TMEM71: variants seen among roughly 807,000 people sequenced by gnomAD.
The protein encoded by TMEM71 is transmembrane protein 71.
Under a neutral mutation model 38.0 loss-of-function variants are expected in TMEM71, and 44 were observed. That is an observed-to-expected ratio of 1.16 (90% CI 0.91 to 1.49). TMEM71 has a LOEUF of 1.49. Ranked by LOEUF, TMEM71 falls within the 40% of genes most tolerant of loss-of-function variation. TMEM71 has a pLI of 0.00. For missense variants in TMEM71, 367 were observed against 348.6 expected (o/e 1.05, Z -0.42); for synonymous variants, 133 against 122.5 (o/e 1.09, Z -0.56).
intron 5 of TMEM71, among the ~76,000 whole-genome samples, chr8:132,744,786 A>G (rs1348838671): frequency 6.6e-6 from 1 of 152,238 alleles, no homozygotes; most frequent in Non-Finnish European, 1.5e-5. Context: ...AATATACCAT[A>G]AGGCAATAGT....
chr8:132,743,088 T>C (rs1318553271), intron 5 of TMEM71, among the ~76,000 whole-genome samples: 1 of 152,010 alleles, frequency 6.6e-6, no homozygotes, highest in East Asian at 1.9e-4. Context: ...TCCCACAACA[T>C]GTGGAATTTC....
At chr8:132,756,711 C>T (rs1344505605) in intron 3 of TMEM71, among the ~76,000 whole-genome samples, 5 of 151,642 alleles carry the variant, frequency 3.3e-5, no homozygotes, top group South Asian at 2.1e-4. Flanking sequence ...CTCAGCCTCC[C>T]GAGTAGCTGA....
intron 7 of TMEM71, among the ~76,000 whole-genome samples, chr8:132,717,987 G>A (rs1586784599): frequency 6.6e-6 from 1 of 152,182 alleles, no homozygotes; most frequent in East Asian, 1.9e-4. Context: ...AGTCATACCA[G>A]ACACAGAAGT....
chr8:132,768,272 T>C, the TMEM71 span, among the ~76,000 whole-genome samples: 3 of 152,210 alleles, frequency 2.0e-5, no homozygotes, highest in Admixed American at 2.0e-4. Flanking sequence ...TATTTGCCTT[T>C]AGATTTGATT....
intron 3 of TMEM71, among the ~76,000 whole-genome samples, chr8:132,753,024 T>C (rs1307249519): frequency 6.6e-6 from 1 of 151,994 alleles, no homozygotes; most frequent in Non-Finnish European, 1.5e-5. Context: ...AAGAATATGT[T>C]ATGTGTTCTT....
upstream of TMEM71, among the ~76,000 whole-genome samples, chr8:132,761,906 A>C (rs1006205794): frequency 1.4e-4 from 21 of 152,108 alleles, no homozygotes; most frequent in Non-Finnish European, 2.6e-4. Flanking sequence ...GCCAAAAACC[A>C]AGTGTGTGAG....
chr8:132,733,355 C>T (rs529113309), intron 5 of TMEM71, among the ~76,000 whole-genome samples: 3 of 152,250 alleles, frequency 2.0e-5, no homozygotes, highest in Non-Finnish European at 2.9e-5. Flanking sequence ...CAAAATCTAA[C>T]GTAGGCCTGT....
At chr8:132,706,503 A>C (rs1003851197), downstream of TMEM71, among the ~76,000 whole-genome samples, 2 of 152,132 alleles carry the variant, frequency 1.3e-5, no homozygotes, top group Non-Finnish European at 2.9e-5. Flanking sequence ...TTACTTTCTC[A>C]ATCTTTTTAG....
intron 9 of TMEM71, among the ~76,000 whole-genome samples, chr8:132,712,639 G>A (rs188782540): frequency 1.1e-3 from 163 of 152,080 alleles, no homozygotes; most frequent in African/African-American, 3.8e-3. Flanking sequence ...CACATGCTGG[G>A]GCATTCACAC....
In TMEM71 at chr8:132,751,810, C is replaced by T. The variant is rs111461300; in HGVS notation, c.289G>A (p.Val97Ile). ...CTAACTAAGTTCTCCTTATACATAA[C>T]GCTGGTCTGGGATGGGTTCAGAGTT... The part of the protein sequence containing the change: ...NITLNPSQTS[V>I]MYKENLVRIF... The change falls in exon 4 of 10, where the codon GTT becomes ATT. Residue 97 changes from valine (V) to isoleucine (I), a missense_variant. Val to Ile is a conservative substitution (Grantham distance 29). Transcript: ENST00000677595. 1.3e-4 allele frequency: 207 copies of T among 1,613,714 alleles called. No homozygotes were observed. In the African/African-American group the frequency reaches 2.3e-3, roughly 18 times the overall value.
At chr8:132,761,194 A>G (rs1192737087), upstream of TMEM71, among the ~76,000 whole-genome samples, 1 of 152,210 alleles carries the variant, frequency 6.6e-6, no homozygotes, top group African/African-American at 2.4e-5. Context: ...ATTCAAATAT[A>G]TATTCCAGCA....
At chr8:132,766,074 G>A in the TMEM71 span, among the ~76,000 whole-genome samples, 3,076 of 152,112 alleles carry the variant, frequency 0.02, 106 homozygotes, top group African/African-American at 0.071. Flanking sequence ...ATGAGCCACC[G>A]CACCCTGCCG....
chr8:132,727,498 C>T (rs542490928), intron 6 of TMEM71, among the ~76,000 whole-genome samples: 12 of 152,060 alleles, frequency 7.9e-5, no homozygotes, highest in South Asian at 4.1e-4. Flanking sequence ...CCTTGTGATC[C>T]GCCCGCCTCG....
chr8:132,773,924 AT>A, the TMEM71 span, among the ~76,000 whole-genome samples: 7 of 152,208 alleles, frequency 4.6e-5, no homozygotes, highest in East Asian at 1.3e-3. Context: ...ATAAATATTT[AT>A]TTTTTTCCTT....
intron 9 of TMEM71, among the ~76,000 whole-genome samples, chr8:132,711,677 C>T (rs1004274886): frequency 3.9e-5 from 6 of 152,102 alleles, no homozygotes; most frequent in African/African-American, 1.2e-4. Flanking sequence ...CAGTGGTGGA[C>T]AAGACAGATA....
At chr8:132,772,919 T>A in the TMEM71 span, among the ~76,000 whole-genome samples, 1 of 152,212 alleles carries the variant, frequency 6.6e-6, no homozygotes, top group South Asian at 2.1e-4. Context: ...GGTGGCATGA[T>A]ATTTTAAAAT....
intron 1 of TMEM71, among the ~76,000 whole-genome samples, 198 bp from the exon 2 acceptor site, chr8:132,759,113 A>G (rs1829190450): frequency 6.6e-6 from 1 of 152,184 alleles, no homozygotes. Flanking sequence ...AACATTTTCC[A>G]TTGCCTCACT....
intron 7 of TMEM71, among the ~76,000 whole-genome samples, chr8:132,716,879 A>T (rs1377743526): frequency 6.6e-6 from 1 of 152,094 alleles, no homozygotes; most frequent in Non-Finnish European, 1.5e-5. Context: ...GTGTGAATTT[A>T]TTTATTCAGT....
intron 5 of TMEM71, among the ~76,000 whole-genome samples, chr8:132,742,092 C>G (rs1197407800): frequency 1.3e-5 from 2 of 152,204 alleles, no homozygotes; most frequent in Admixed American, 1.3e-4. Flanking sequence ...CAGCTCCTAT[C>G]TCTGTATGGC....
Sources: allele counts gnomAD v4.1 joint callset (sites outside exome capture counted in the v4.1 genomes callset), GRCh38; gene constraint gnomAD v4.1.1; transcripts MANE v1.5; gene names NCBI Gene and HGNC (gene_info 2026-07-23, HGNC 2026-07-21).